The following CDH18 variants were observed in gnomAD, a reference collection of about 807,000 sequenced individuals.
CDH18 encodes the protein cadherin 18.
In CDH18, 31 loss-of-function variants were observed where a neutral mutation model predicts 67.9. The ratio of observed to expected loss-of-function variants is 0.46; its 90% CI spans 0.34 to 0.62. The LOEUF (loss-of-function observed/expected upper bound fraction) is 0.62, where lower values mean the gene tolerates loss of function less well. CDH18 is among the 20% of genes least tolerant of loss of function. CDH18 has a pLI of 0.01. For missense variants in CDH18, 890 were observed against 975.5 expected, an observed-to-expected ratio of 0.91 and a Z score of 1.17; for synonymous variants, 362 against 347.2, an observed-to-expected ratio of 1.04 and a Z score of -0.48.
intron 1 of CDH18, among the ~76,000 whole-genome samples, chr5:20,269,016 A>G (rs115473002): frequency 0.027 from 4,091 of 152,288 alleles, 194 homozygotes; most frequent in African/African-American, 0.092. Flanking sequence ...AGTAACACAA[A>G]TGACTGAACA....
intron 2 of CDH18, among the ~76,000 whole-genome samples, chr5:20,024,876 G>A (rs1018092852): frequency 4.6e-5 from 7 of 152,068 alleles, no homozygotes; most frequent in Non-Finnish European, 1.5e-5. Flanking sequence ...GTCAGGCAGT[G>A]GATTTGAATA....
chr5:19,658,573 A>T (rs1335326306), intron 5 of CDH18, among the ~76,000 whole-genome samples: 1 of 152,110 alleles, frequency 6.6e-6, no homozygotes, highest in Non-Finnish European at 1.5e-5. Flanking sequence ...TAATTTTATA[A>T]CTGCCTATAA....
intron 1 of CDH18, among the ~76,000 whole-genome samples, chr5:20,288,629 A>G (rs148338303): frequency 0.015 from 2,215 of 151,948 alleles, 31 homozygotes; most frequent in South Asian, 0.029. Context: ...AGAACAAACC[A>G]TCAAACCAAC....
At chr5:19,817,500 G>A (rs1561365494) in intron 3 of CDH18, among the ~76,000 whole-genome samples, 1 of 151,984 alleles carries the variant, frequency 6.6e-6, no homozygotes, top group Non-Finnish European at 1.5e-5. Context: ...TGGGAGAGGG[G>A]TGAGTACATC....
At chr5:20,562,788 C>T (rs754176263) in intron 1 of CDH18, among the ~76,000 whole-genome samples, 17 of 151,818 alleles carry the variant, frequency 1.1e-4, no homozygotes, top group Non-Finnish European at 2.4e-4. Context: ...AAAGGCATAG[C>T]ATTTAATAGG....
intron 8 of CDH18, among the ~76,000 whole-genome samples, chr5:19,565,694 C>T (rs1304824875): frequency 1.3e-5 from 2 of 152,190 alleles, no homozygotes; most frequent in African/African-American, 4.8e-5. Flanking sequence ...ACCAGACCCC[C>T]ATCTCTAGCT....
At chr5:20,241,660 G>A (rs954951035) in intron 2 of CDH18, among the ~76,000 whole-genome samples, 2 of 151,756 alleles carry the variant, frequency 1.3e-5, no homozygotes, top group African/African-American at 2.4e-5. Context: ...GACCATCCTG[G>A]CTAATATGGT....
At chr5:19,761,406 T>A (rs1181826665) in intron 3 of CDH18, among the ~76,000 whole-genome samples, 2 of 152,188 alleles carry the variant, frequency 1.3e-5, no homozygotes, top group Non-Finnish European at 2.9e-5. Flanking sequence ...ACTTCTTGCC[T>A]CTTCTGAGCA....
chr5:19,987,443 T>C (rs1469330457), intron 1 of CDH18, among the ~76,000 whole-genome samples: 8 of 152,132 alleles, frequency 5.3e-5, no homozygotes, highest in Non-Finnish European at 1.5e-5. Context: ...CCTACCTAAT[T>C]TCTTTTCATG....
chr5:20,574,047 T>C (rs1351165699), intron 1 of CDH18, among the ~76,000 whole-genome samples: 1 of 150,816 alleles, frequency 6.6e-6, no homozygotes, highest in Non-Finnish European at 1.5e-5. Context: ...TAAGACCAAC[T>C]GTACTTTCCA....
At chr5:20,222,030 C>T (rs535781830) in intron 2 of CDH18, among the ~76,000 whole-genome samples, 15 of 152,234 alleles carry the variant, frequency 9.9e-5, no homozygotes, top group African/African-American at 2.4e-4. Context: ...CACCCTTACA[C>T]GTCACAAGAG....
intron 2 of CDH18, among the ~76,000 whole-genome samples, chr5:19,949,551 C>G (rs1795590436): frequency 6.6e-6 from 1 of 152,060 alleles, no homozygotes; most frequent in African/African-American, 2.4e-5. Flanking sequence ...TTAGTATTAT[C>G]AACTTTTGAG....
intron 1 of CDH18, among the ~76,000 whole-genome samples, chr5:20,477,878 TAAG>T (rs1319979996): frequency 6.6e-6 from 1 of 152,050 alleles, no homozygotes. Flanking sequence ...GAGGACAGAT[TAAG>T]AAGAATTTTG....
intron 2 of CDH18, among the ~76,000 whole-genome samples, chr5:20,199,405 T>G (rs1739261927): frequency 6.6e-6 from 1 of 152,196 alleles, no homozygotes; most frequent in Non-Finnish European, 1.5e-5. Context: ...TTGACTTGCA[T>G]AAGGCCTGTA....
rs147327165 is a variant in CDH18 at position 20,295,548 on chromosome 5, G to A, written c.-579-40043C>T. 7.9e-3 allele frequency among the ~76,000 whole-genome samples: 1,195 copies of A among 152,126 alleles called. 15 individuals are homozygous for A. The highest frequency in any genetic ancestry group is 0.026 in the African/African-American group (1,094 of 41,506). On this transcript the variant is annotated intron_variant, in intron 1 of 14. Transcript: ENST00000507958. ...TCAAGACCGTCCTGGCCAATATGGT[G>A]AAACCCCGTCTCTACTAAAAATACA... is the stretch of plus-strand genomic sequence containing the variant.
At chr5:19,994,734 TATATAGAGAGAGAGAGAGAGAGAGAG>T (rs1251437012) in intron 2 of CDH18, among the ~76,000 whole-genome samples, 37 of 9,930 alleles carry the variant, frequency 3.7e-3, no homozygotes, top group African/African-American at 0.01. Context: ...TATATATATA[TATATAGAGAGAGAGAGAGAGAGAGAG>T]AGAGAGAGAG....
At chr5:20,339,073 TG>T (rs1218057877) in intron 1 of CDH18, among the ~76,000 whole-genome samples, 2 of 152,096 alleles carry the variant, frequency 1.3e-5, no homozygotes, top group Admixed American at 6.6e-5. Flanking sequence ...ACACTCTGAA[TG>T]GGGGAAGCAG....
At chr5:20,260,576 T>TCAGAAAGA in intron 1 of CDH18, among the ~76,000 whole-genome samples, 1 of 152,166 alleles carries the variant, frequency 6.6e-6, no homozygotes, top group African/African-American at 2.4e-5. Context: ...CTTAAACAGT[T>TCAGAAAGA]CTGTATTAGA....
intron 1 of CDH18, among the ~76,000 whole-genome samples, chr5:20,293,179 T>C (rs114595114): frequency 0.014 from 2,139 of 151,724 alleles, 22 homozygotes; most frequent in Middle Eastern, 0.048. Context: ...TATCCGAGAG[T>C]GGTAGTGGGC....
Sources: gnomAD v4.1 joint callset for allele counts (sites outside exome capture counted in the v4.1 genomes callset) on GRCh38, gnomAD v4.1.1 for gene constraint, MANE v1.5 for transcripts, NCBI Gene and HGNC (gene_info 2026-07-23, HGNC 2026-07-21) for gene names.